LRP1B: variants seen among roughly 807,000 people sequenced by gnomAD.
The protein encoded by LRP1B is low-density lipoprotein receptor-related protein 1B.
A neutral mutation model predicts 556.6 loss-of-function variants in LRP1B; 217 were observed. The ratio of observed to expected loss-of-function variants is 0.39; its 90% CI spans 0.35 to 0.44. LRP1B has a LOEUF of 0.44. Ranked by LOEUF, LRP1B falls within the 20% of genes least tolerant of loss-of-function variation. The pLI is 1.00. For missense variants in LRP1B, 5,053 were observed against 5,620.8 expected, an observed-to-expected ratio of 0.90 and a Z score of 3.23; for synonymous variants, 2,047 against 1,865.8, an observed-to-expected ratio of 1.10 and a Z score of -2.50.
At chr2:142,030,180 T>C (rs903812969) in intron 1 of LRP1B, among the ~76,000 whole-genome samples, 1 of 151,946 alleles carries the variant, frequency 6.6e-6, no homozygotes. Context: ...GTGAATGGCA[T>C]GCATAATGCA....
rs1394317764 is a variant in LRP1B at position 141,910,718 on chromosome 2, C to T, written c.83-100317G>A. Among the ~76,000 whole-genome samples, 15 of 152,064 alleles carry T rather than the reference C, an allele frequency of 9.9e-5. No individual in the cohort carries two copies. The South Asian group carries it at 3.1e-3, about 32-fold the overall frequency. ...ATTGCTAAGTGAGAAGTGAAACACACCAGTTTTTCTATACGATTTTAATCA... is the reference window on the plus strand; with the variant it reads ...ATTGCTAAGTGAGAAGTGAAACACATCAGTTTTTCTATACGATTTTAATCA... On this transcript the variant is annotated intron_variant, in intron 1 of 90. Coordinates refer to ENST00000389484, the MANE Select transcript of LRP1B (RefSeq NM_018557.3).
chr2:141,231,954 C>T (rs1360221792), intron 5 of LRP1B, among the ~76,000 whole-genome samples: 5 of 152,140 alleles, frequency 3.3e-5, no homozygotes, highest in Non-Finnish European at 5.9e-5. Flanking sequence ...TGAGTATAAA[C>T]CCACAACAAA....
intron 2 of LRP1B, among the ~76,000 whole-genome samples, chr2:141,584,640 C>T (rs1486538737): frequency 6.6e-6 from 1 of 152,110 alleles, no homozygotes; most frequent in Non-Finnish European, 1.5e-5. Flanking sequence ...GCATGCACAC[C>T]TTCAAACACA....
At chr2:140,668,276 C>T (rs1309723249) in intron 41 of LRP1B, among the ~76,000 whole-genome samples, 1 of 131,942 alleles carries the variant, frequency 7.6e-6, no homozygotes, top group Non-Finnish European at 1.5e-5. Flanking sequence ...CGCCACTGTA[C>T]TCCAGCCTGG....
chr2:140,537,685 CAGAA>C (rs142488656), intron 45 of LRP1B, among the ~76,000 whole-genome samples: 2,791 of 152,100 alleles, frequency 0.018, 87 homozygotes, highest in African/African-American at 0.063. Flanking sequence ...TGACCGCTGT[CAGAA>C]AGTCACATTT....
intron 2 of LRP1B, among the ~76,000 whole-genome samples, chr2:141,572,764 A>G (rs893947599): frequency 2.6e-5 from 4 of 152,174 alleles, no homozygotes; most frequent in Non-Finnish European, 4.4e-5. Flanking sequence ...AAGCAAAACA[A>G]ACAAACAAAC....
At chr2:140,679,635 C>G (rs577104876) in intron 41 of LRP1B, among the ~76,000 whole-genome samples, 1 of 152,192 alleles carries the variant, frequency 6.6e-6, no homozygotes, top group Non-Finnish European at 1.5e-5. Flanking sequence ...TGTGGTGGCT[C>G]GGGTTTCCGT....
At chr2:141,928,113 GA>G (rs1000324687) in intron 1 of LRP1B, among the ~76,000 whole-genome samples, 1 of 152,004 alleles carries the variant, frequency 6.6e-6, no homozygotes, top group Non-Finnish European at 1.5e-5. Flanking sequence ...ATTGACTACA[GA>G]AAAAAATAGC....
chr2:141,812,139 T>C (rs1696379395), intron 1 of LRP1B, among the ~76,000 whole-genome samples: 2 of 152,126 alleles, frequency 1.3e-5, no homozygotes, highest in African/African-American at 2.4e-5. Context: ...TTTATAAGTA[T>C]GCTTGAATGC....
Position 141,014,321 on chromosome 2 carries a change from T to A in LRP1B, c.2191-576A>T, listed in dbSNP as rs544809942. ...GACACATTTATTATTAGTAAATAGA[T>A]AAAAACTCACTGGCAAGTTAAATTC... is the stretch of plus-strand genomic sequence containing the variant. On this transcript the variant is annotated intron_variant, in intron 13 of 90. Coordinates refer to ENST00000389484, the MANE Select transcript of LRP1B (RefSeq NM_018557.3). Among the ~76,000 whole-genome samples, 37 of 152,172 alleles carry A rather than the reference T, an allele frequency of 2.4e-4. No individual in the cohort carries two copies. In the East Asian group the frequency reaches 7.0e-3, roughly 29 times the overall value.
At chr2:140,934,303 G>C (rs1217702203) in intron 20 of LRP1B, among the ~76,000 whole-genome samples, 1 of 152,056 alleles carries the variant, frequency 6.6e-6, no homozygotes, top group Non-Finnish European at 1.5e-5. Context: ...ATAAAATTTA[G>C]TTACTGAAAA....
intron 1 of LRP1B, among the ~76,000 whole-genome samples, chr2:142,068,719 G>C (rs955667604): frequency 6.6e-6 from 1 of 151,518 alleles, no homozygotes; most frequent in African/African-American, 2.4e-5. Flanking sequence ...GCCCAGAACA[G>C]AGCTGTTTCC....
intron 85 of LRP1B, 134 bp from the exon 86 acceptor site, chr2:140,270,480 T>G (rs1682407504): frequency 3.4e-6 from 2 of 590,770 alleles, no homozygotes. Flanking sequence ...AAGGAAGTTT[T>G]CAGGAAGTCT....
chr2:141,830,434 A>C (rs1048470946), intron 1 of LRP1B, among the ~76,000 whole-genome samples: 11 of 151,976 alleles, frequency 7.2e-5, no homozygotes, highest in Non-Finnish European at 1.6e-4. Context: ...TGGAATAGAT[A>C]AATCATCTCC....
chr2:140,509,767 A>G lies in LRP1B; in HGVS notation c.8398+161T>C, dbSNP rs1689573926. 3.3e-5 allele frequency among the ~76,000 whole-genome samples: 5 copies of G among 152,334 alleles called. No individual in the cohort carries two copies. In the South Asian group the frequency reaches 1.0e-3, roughly 32 times the overall value. On this transcript the variant is annotated intron_variant, in intron 52 of 90. Coordinates refer to ENST00000389484, the MANE Select transcript of LRP1B (RefSeq NM_018557.3). The stretch of plus-strand genomic sequence containing the variant: ...CAGTAGTTAAAGAGGTTGCAGAACT[A>G]CTGTGATACCGTCATCCCACCTGAT...
At chr2:141,749,005 TTTTA>T (rs1387253222) in intron 2 of LRP1B, among the ~76,000 whole-genome samples, 1 of 152,168 alleles carries the variant, frequency 6.6e-6, no homozygotes, top group Non-Finnish European at 1.5e-5. Context: ...TCAGACTTAA[TTTTA>T]TTTGTCTAAA....
intron 3 of LRP1B, among the ~76,000 whole-genome samples, chr2:141,335,348 A>G (rs1162055915): frequency 2.0e-5 from 3 of 152,220 alleles, no homozygotes; most frequent in Non-Finnish European, 4.4e-5. Context: ...AGACATAAAC[A>G]ACACACACAA....
chr2:140,323,032 T>C (rs1052951844), intron 81 of LRP1B, among the ~76,000 whole-genome samples: 12 of 152,030 alleles, frequency 7.9e-5, no homozygotes, highest in African/African-American at 2.9e-4. Flanking sequence ...TAGGAAACTC[T>C]ATTTGGTTTT....
chr2:140,727,380 T>C (rs1559080246), intron 35 of LRP1B, among the ~76,000 whole-genome samples: 1 of 152,198 alleles, frequency 6.6e-6, no homozygotes, highest in Non-Finnish European at 1.5e-5. Context: ...TGAGGATCAA[T>C]GTCTCCACAC....
Sources: gnomAD v4.1 joint callset for allele counts (sites outside exome capture counted in the v4.1 genomes callset) on GRCh38, gnomAD v4.1.1 for gene constraint, MANE v1.5 for transcripts, NCBI Gene and HGNC (gene_info 2026-07-23, HGNC 2026-07-21) for gene names.